Variants in UGT1A7 observed in about 807,000 individuals in gnomAD.
The protein encoded by UGT1A7 is UDP-glucuronosyltransferase 1A7.
A neutral mutation model predicts 45.6 loss-of-function variants in UGT1A7; 33 were observed. The observed-to-expected ratio is 0.72, with a 90% CI of 0.55 to 0.97. The LOEUF is 0.97. Among genes scored for constraint, UGT1A7 ranks in the 50% least tolerant of loss-of-function variants. The pLI is 0.00. For missense variants in UGT1A7, 684 were observed against 666.2 expected (o/e 1.03, Z -0.29); for synonymous variants, 274 against 250.6 (o/e 1.09, Z -0.88).
At chr2:233,729,220 T>C (rs754967236) in intron 1 of UGT1A7, 8 of 1,613,996 alleles carry the variant, frequency 5.0e-6, no homozygotes, top group Admixed American at 3.3e-5. Context: ...TGGAAAGGTG[T>C]TGGTGGTGCC....
At chr2:233,705,790 C>A (rs1416017084) in intron 1 of UGT1A7, among the ~76,000 whole-genome samples, 6 of 152,064 alleles carry the variant, frequency 3.9e-5, no homozygotes, top group African/African-American at 1.4e-4. Flanking sequence ...GCAAAATGCC[C>A]CTTGTTCAAA....
At chr2:233,714,248 G>C (rs1260479337) in intron 1 of UGT1A7, among the ~76,000 whole-genome samples, 1 of 152,160 alleles carries the variant, frequency 6.6e-6, no homozygotes, top group Non-Finnish European at 1.5e-5. Flanking sequence ...AAGGAGGAAG[G>C]AATAGAAATT....
Position 233,682,412 on chromosome 2 carries a change from A to C in UGT1A7, c.475A>C (p.Lys159Gln). The change falls in exon 1 of 5, where the codon AAA becomes CAA. Residue 159 changes from lysine to glutamine, a missense_variant. Physicochemically the swap from Lys to Gln is moderately conservative, Grantham distance 53. Coordinates refer to ENST00000373426, the MANE Select transcript of UGT1A7 (RefSeq NM_019077.3). ...TGATGCCTGTGGCTTAATTGTTGCC[A>C]AATATTTCTCCCTCCCCTCTGTGGT... ...PFDACGLIVAKYFSLPSVVFA... is the reference protein window; with the variant it reads ...PFDACGLIVAQYFSLPSVVFA... 1 of 1,613,870 alleles carries C rather than the reference A, an allele frequency of 6.2e-7. No individual in the cohort carries two copies.
rs35802766 is a variant in UGT1A7, at chr2:233,761,211, C to T, written c.856-5823C>T. Reference sequence around the variant, plus strand: ...TTCTTTCAGATGTATTACTTTGGATCGATTAACTAGCCCCAGATATATGCT... The same window carrying T: ...TTCTTTCAGATGTATTACTTTGGATTGATTAACTAGCCCCAGATATATGCT... On this transcript the variant is annotated intron_variant, in intron 1 of 4. Coordinates refer to ENST00000373426, the MANE Select transcript of UGT1A7 (RefSeq NM_019077.3). 81 of 1,613,620 alleles carry T rather than the reference C, an allele frequency of 5.0e-5. No homozygotes were observed. In the East Asian group the frequency reaches 6.7e-4, roughly 13 times the overall value.
At chr2:233,772,175 T>G in intron 4 of UGT1A7, 87 bp from the exon 5 acceptor site, 1 of 1,580,518 alleles carries the variant, frequency 6.3e-7, no homozygotes, top group Non-Finnish European at 8.6e-7. Context: ...GAAAATCTGG[T>G]AGTCTTCTTA....
chr2:233,701,045 G>A (rs1263864656), intron 1 of UGT1A7, among the ~76,000 whole-genome samples: 1 of 152,130 alleles, frequency 6.6e-6, no homozygotes, highest in Non-Finnish European at 1.5e-5. Context: ...CAAAGGACAT[G>A]AACTCATAAT....
In UGT1A7 at chr2:233,767,949, G is replaced by A. The variant is rs569380768; in HGVS notation, c.1075+13G>A. 2 of 1,614,196 alleles carry A rather than the reference G, an allele frequency of 1.2e-6. No homozygotes were observed. Among genetic ancestry groups the A allele is most frequent in the East Asian group, 2.2e-5 (1 of 44,890 alleles). On this transcript the variant is annotated intron_variant, in intron 3 of 4. Coordinates refer to ENST00000373426, the MANE Select transcript of UGT1A7 (RefSeq NM_019077.3). ...AACGATCTGCTTGGTATGTTGGGCG[G>A]ATTGGATGTATAGGTCAAACCAGGG...
intron 1 of UGT1A7, chr2:233,748,039 T>C (rs999910080): frequency 2.4e-4 from 393 of 1,613,376 alleles, no homozygotes; most frequent in South Asian, 8.0e-4. Context: ...ATGGTCTTCA[T>C]TGGGGGCATC....
chr2:233,752,059 C>T lies in UGT1A7; in HGVS notation c.856-14975C>T, dbSNP rs190441645. ...GTAAGCTGTTGTGTGAATGATTTCC[C>T]GAGATGGGGAAGTCTCTCTACCTGT... On this transcript the variant is annotated intron_variant, in intron 1 of 4. Transcript: ENST00000373426. 8.5e-5 allele frequency among the ~76,000 whole-genome samples: 13 copies of T among 152,200 alleles called. No homozygotes were observed. In the East Asian group the frequency reaches 9.6e-4, roughly 11 times the overall value.
intron 1 of UGT1A7, chr2:233,760,277 G>T: frequency 6.2e-7 from 1 of 1,612,686 alleles, no homozygotes. Context: ...TCTGGCAGGA[G>T]CAAAGGCGCC....
intron 1 of UGT1A7, chr2:233,712,962 G>C: frequency 6.2e-7 from 1 of 1,612,880 alleles, no homozygotes; most frequent in Non-Finnish European, 8.5e-7. Flanking sequence ...ACGTGGGGTG[G>C]ACAGTCAGCT....
At chr2:233,760,292 C>T (rs1437444805) in intron 1 of UGT1A7, 2 of 1,613,246 alleles carry the variant, frequency 1.2e-6, no homozygotes, top group Admixed American at 1.7e-5. Flanking sequence ...GGCGCCATGG[C>T]TGTGGAGTCC....
chr2:233,770,941 G>T (rs1295256111), intron 4 of UGT1A7: 1 of 152,168 alleles, frequency 6.6e-6, no homozygotes, highest in African/African-American at 2.4e-5. Flanking sequence ...GGCTGCCGGG[G>T]GAACCTCAGG....
intron 1 of UGT1A7, chr2:233,719,249 T>C: frequency 1.2e-6 from 2 of 1,614,200 alleles, no homozygotes; most frequent in South Asian, 2.2e-5. Flanking sequence ...ACCTGAATGC[T>C]ACTTCCTTTG....
chr2:233,734,549 C>A (rs1463144375), intron 1 of UGT1A7, among the ~76,000 whole-genome samples: 2 of 152,092 alleles, frequency 1.3e-5, no homozygotes, highest in Non-Finnish European at 2.9e-5. Flanking sequence ...TTCTTCCCTT[C>A]TGCTAGCTTT....
intron 1 of UGT1A7, chr2:233,747,473 T>G: frequency 1.4e-5 from 23 of 1,608,772 alleles, no homozygotes; most frequent in Non-Finnish European, 1.9e-5. Flanking sequence ...GGACCCAGGA[T>G]GAATTTGATC....
intron 1 of UGT1A7, chr2:233,691,283 C>A: frequency 1.0e-6 from 1 of 985,546 alleles, no homozygotes; most frequent in Non-Finnish European, 1.2e-6. Flanking sequence ...TGACTTTGAT[C>A]ATTGTAAGCT....
chr2:233,757,535 A>AATATATATACATATACATAT (rs376887521), intron 1 of UGT1A7, among the ~76,000 whole-genome samples: 89 of 88,230 alleles, frequency 1.0e-3, no homozygotes, highest in African/African-American at 2.6e-3. Context: ...GCCTGTAAGG[A>AATATATATACATATACATAT]ATATATATAT....
Position 233,687,966 on chromosome 2 carries a change from C to G in UGT1A7, c.855+5174C>G, listed in dbSNP as rs78170888. Among the ~76,000 whole-genome samples, 183 of 152,286 alleles carry G rather than the reference C, an allele frequency of 1.2e-3. 6 individuals carry two copies. In the East Asian group the frequency reaches 0.027, roughly 22 times the overall value. On this transcript the variant is annotated intron_variant, in intron 1 of 4. Coordinates refer to ENST00000373426, the MANE Select transcript of UGT1A7 (RefSeq NM_019077.3). ...AAAATTTAAAAATTGATATGTAATTCATGTATCGTAAAATTCAGTGGTTTT... is the reference window on the plus strand; with the variant it reads ...AAAATTTAAAAATTGATATGTAATTGATGTATCGTAAAATTCAGTGGTTTT...
Sources: allele counts gnomAD v4.1 joint callset (sites outside exome capture counted in the v4.1 genomes callset), GRCh38; gene constraint gnomAD v4.1.1; transcripts MANE v1.5; gene names NCBI Gene and HGNC (gene_info 2026-07-23, HGNC 2026-07-21).